The following LIN7A variants were observed in gnomAD, a reference collection of about 807,000 sequenced individuals.
LIN7A encodes the protein lin-7 cell polarity scaffold A.
A neutral mutation model predicts 29.8 loss-of-function variants in LIN7A; 25 were observed. That is an observed-to-expected ratio of 0.84 (90% CI 0.61 to 1.17). LIN7A has a LOEUF of 1.17. LIN7A is among the 50% of genes most tolerant of loss of function. The pLI, the probability that LIN7A is intolerant of heterozygous loss-of-function variation, is 0.00. For missense variants in LIN7A, 239 were observed against 287.0 expected, an observed-to-expected ratio of 0.83 and a Z score of 1.21; for synonymous variants, 118 against 107.5, an observed-to-expected ratio of 1.10 and a Z score of -0.60.
chr12:80,896,383 T>G (rs1875897044), intron 1 of LIN7A, among the ~76,000 whole-genome samples: 1 of 152,188 alleles, frequency 6.6e-6, no homozygotes, highest in Non-Finnish European at 1.5e-5. Context: ...GTCTAAAAAT[T>G]TTACCAAATA....
intron 4 of LIN7A, among the ~76,000 whole-genome samples, chr12:80,837,407 A>C (rs1025232932): frequency 6.6e-6 from 1 of 152,108 alleles, no homozygotes; most frequent in Non-Finnish European, 1.5e-5. Context: ...ATCCTTATAG[A>C]GGGAGGTGGG....
At position 80,793,322 on chromosome 12, in the gene LIN7A, A is replaced by T. The variant is rs1870293456; in HGVS notation, c.*4405T>A. On this transcript the variant is annotated 3_prime_UTR_variant, in exon 6 of 6. Coordinates refer to ENST00000552864, the MANE Select transcript of LIN7A (RefSeq NM_004664.4). ...AATGTTAGTTATGAATAAATTACTT[A>T]CCTACCTCACTGGGGTATAACCGTG... The T allele has an allele frequency of 6.6e-6, 1 of 152,218 alleles. No individual in the cohort carries two copies. The highest frequency in any genetic ancestry group is 2.1e-4 in the South Asian group (1 of 4,832). The allele number at this position is 152,218 out of a possible 1,614,324, so 9.4% of individuals were successfully genotyped here.
At chr12:80,901,300 G>A (rs1876202120) in intron 1 of LIN7A, among the ~76,000 whole-genome samples, 1 of 152,088 alleles carries the variant, frequency 6.6e-6, no homozygotes, top group South Asian at 2.1e-4. Context: ...TGAAAAAACA[G>A]AACACCTTTC....
Position 80,895,879 on chromosome 12 carries a change from T to C in LIN7A, c.83-6510A>G, listed in dbSNP as rs1272475016. Reference sequence around the variant, plus strand: ...GAAGAAGGAAAGGACACAGGCCTAATGTCCTCACTGAGCTGTTGTACTAGC... The same window carrying C: ...GAAGAAGGAAAGGACACAGGCCTAACGTCCTCACTGAGCTGTTGTACTAGC... On this transcript the variant is annotated intron_variant, in intron 1 of 5. Transcript: ENST00000552864. 2.6e-5 allele frequency among the ~76,000 whole-genome samples: 4 copies of C among 152,212 alleles called. 1 individual carries two copies. Among genetic ancestry groups the C allele is most frequent in the African/African-American group, 7.2e-5 (3 of 41,458 alleles).
intron 1 of LIN7A, among the ~76,000 whole-genome samples, chr12:80,915,312 A>G (rs560679078): frequency 2.2e-4 from 33 of 152,300 alleles, no homozygotes; most frequent in African/African-American, 7.0e-4. Flanking sequence ...CAAAACTACA[A>G]TGAGATACCA....
intron 4 of LIN7A, among the ~76,000 whole-genome samples, chr12:80,844,129 G>T (rs1872950166): frequency 6.6e-6 from 1 of 152,024 alleles, no homozygotes; most frequent in Admixed American, 6.6e-5. Context: ...TGGGGCATAA[G>T]CCTCTATGTG....
chr12:80,896,142 C>A (rs1875881466), intron 1 of LIN7A, among the ~76,000 whole-genome samples: 1 of 152,094 alleles, frequency 6.6e-6, no homozygotes, highest in South Asian at 2.1e-4. Flanking sequence ...GGAAAATGAC[C>A]TTTGGACTGA....
At chr12:80,802,183 G>A (rs1423968845) in intron 5 of LIN7A, among the ~76,000 whole-genome samples, 2 of 152,062 alleles carry the variant, frequency 1.3e-5, no homozygotes, top group South Asian at 2.1e-4. Context: ...GTGAGCCACC[G>A]CACCTGGCCG....
intron 4 of LIN7A, among the ~76,000 whole-genome samples, chr12:80,820,658 C>CACACACACACA (rs1555222245): frequency 1.3e-5 from 2 of 151,704 alleles, no homozygotes; most frequent in African/African-American, 2.4e-5. Flanking sequence ...CACACACACA[C>CACACACACACA]CCATCTTCAG....
At chr12:80,826,643 C>G (rs1285978584) in intron 4 of LIN7A, among the ~76,000 whole-genome samples, 2 of 152,094 alleles carry the variant, frequency 1.3e-5, no homozygotes, top group African/African-American at 4.8e-5. Context: ...CTGCCTCCGC[C>G]TCCCGAGTAG....
chr12:80,873,553 A>T (rs999161702), intron 2 of LIN7A, among the ~76,000 whole-genome samples: 8 of 152,046 alleles, frequency 5.3e-5, no homozygotes, highest in African/African-American at 1.9e-4. Flanking sequence ...AAGAAAAAAA[A>T]AAAGTAAAAA....
intron 4 of LIN7A, chr12:80,841,798 T>C: frequency 1.4e-6 from 1 of 720,524 alleles, no homozygotes; most frequent in Non-Finnish European, 1.7e-6. Flanking sequence ...TTGAGTTCTC[T>C]CTTAAAATTG....
At chr12:80,852,567 A>G (rs953849954) in intron 2 of LIN7A, among the ~76,000 whole-genome samples, 1 of 152,156 alleles carries the variant, frequency 6.6e-6, no homozygotes, top group Non-Finnish European at 1.5e-5. Flanking sequence ...TTTTATTCTA[A>G]TAGCTGCTAT....
chr12:80,835,308 G>A (rs1166171372), intron 4 of LIN7A, among the ~76,000 whole-genome samples: 1 of 152,116 alleles, frequency 6.6e-6, no homozygotes, highest in Non-Finnish European at 1.5e-5. Flanking sequence ...TTTTAATGCT[G>A]TATTTATCAT....
chr12:80,929,980 T>A (rs1178072390), intron 1 of LIN7A, among the ~76,000 whole-genome samples: 1 of 152,222 alleles, frequency 6.6e-6, no homozygotes, highest in African/African-American at 2.4e-5. Context: ...TTTCTCCATC[T>A]ATCTTGTGGG....
chr12:80,904,975 A>G (rs1876398981), intron 1 of LIN7A, among the ~76,000 whole-genome samples: 2 of 152,024 alleles, frequency 1.3e-5, no homozygotes, highest in African/African-American at 4.8e-5. Context: ...CTTTTGCTCC[A>G]TGATCATTTA....
rs148187178 is a variant in LIN7A, at chr12:80,921,285, T to C, written c.82+16356A>G. On this transcript the variant is annotated intron_variant, in intron 1 of 5. Coordinates refer to ENST00000552864, the MANE Select transcript of LIN7A (RefSeq NM_004664.4). ...AGACTCCAGAACCATAAGAAATATATATCTGTAGTTTATAAGTGACCTAGT... is the reference window on the plus strand; with the variant it reads ...AGACTCCAGAACCATAAGAAATATACATCTGTAGTTTATAAGTGACCTAGT... Among the ~76,000 whole-genome samples, 143 of 151,754 alleles carry C rather than the reference T, an allele frequency of 9.4e-4. 1 individual carries two copies. The East Asian group carries it at 0.026, about 28-fold the overall frequency.
chr12:80,936,002 C>G (rs976441786), intron 1 of LIN7A, among the ~76,000 whole-genome samples: 1 of 152,146 alleles, frequency 6.6e-6, no homozygotes. Context: ...TTGCTCCTAA[C>G]ATAGTCACTT....
At chr12:80,829,125 A>G (rs931748578) in intron 4 of LIN7A, among the ~76,000 whole-genome samples, 180 of 152,324 alleles carry the variant, frequency 1.2e-3, no homozygotes, top group African/African-American at 4.2e-3. Context: ...TTTAAATAGT[A>G]CTTTCAGGCA....
Sources: gnomAD v4.1 joint callset for allele counts (sites outside exome capture counted in the v4.1 genomes callset) on GRCh38, gnomAD v4.1.1 for gene constraint, MANE v1.5 for transcripts, NCBI Gene and HGNC (gene_info 2026-07-23, HGNC 2026-07-21) for gene names.